Variants in EVX1 observed in about 807,000 individuals in gnomAD.
EVX1 encodes homeobox even-skipped homolog protein 1.
In EVX1, 19 loss-of-function variants were observed where a neutral mutation model predicts 28.6. The ratio of observed to expected loss-of-function variants is 0.67; its 90% confidence interval spans 0.46 to 0.98. The LOEUF is 0.98. EVX1 is among the 50% of genes least tolerant of loss of function. EVX1 has a pLI of 0.00. For missense variants in EVX1, 660 were observed against 583.0 expected (o/e 1.13, Z -1.36); for synonymous variants, 324 against 278.2 (o/e 1.16, Z -1.64).
Position 27,243,160 on chromosome 7 carries a change from C to T in EVX1, c.130C>T (p.Pro44Ser), listed in dbSNP as rs767978677. ...PLPEPPEKMV[P>S]RGCLSPRAVP... The stretch of plus-strand genomic sequence containing the variant: ...GCCGGAGCCGCCCGAGAAAATGGTG[C>T]CCCGTGGTTGCCTGAGCCCTCGGGC... Residue 44 changes from proline to serine, a missense_variant, in exon 1 of 3, where the codon CCC becomes TCC. Pro to Ser is a moderately conservative substitution (Grantham distance 74, BLOSUM62 -1). This residue lies in a region of EVX1 where 308 missense variants were observed against 256.6 expected (regional missense o/e 1.20). Coordinates refer to ENST00000496902, the MANE Select transcript of EVX1 (RefSeq NM_001989.5). 1.9e-6 allele frequency: 3 copies of T among 1,592,282 alleles called. No homozygotes were observed. The South Asian group carries it at 3.4e-5, about 18-fold the overall frequency.
chr7:27,246,440 G>C lies in EVX1; in HGVS notation c.*15G>C. ...TCACTAGATAAGGGGCCGCCGGCTG[G>C]CTGCCGGCTCCATGACGCCCGTGGG... On this transcript the variant is annotated 3_prime_UTR_variant, in exon 3 of 3. Transcript: ENST00000496902. 1.3e-6 allele frequency: 2 copies of C among 1,585,332 alleles called. No individual in the cohort carries two copies. The highest frequency in any genetic ancestry group is 1.4e-5 in the African/African-American group (1 of 73,332).
chr7:27,244,858 C>T (rs987754264), intron 1 of EVX1, among the ~76,000 whole-genome samples, 190 bp from the exon 2 acceptor site: 7 of 152,202 alleles, frequency 4.6e-5, no homozygotes, highest in Non-Finnish European at 7.4e-5. Context: ...CCTACCCAAT[C>T]AAGGGCAGGC....
At position 27,247,355 on chromosome 7, in the gene EVX1, A is replaced by G. The variant is rs1783221830; in HGVS notation, c.*930A>G. ...GAGCTGTTAACAAGGCGCCCAGGGA[A>G]GAGCTTAGGGAGTGGGAACTTCACC... On this transcript the variant is annotated 3_prime_UTR_variant, in exon 3 of 3. Coordinates refer to ENST00000496902, the MANE Select transcript of EVX1 (RefSeq NM_001989.5). The G allele has an allele frequency of 1.3e-5, 2 of 152,200 alleles. No individual in the cohort carries two copies. Among genetic ancestry groups the G allele is most frequent in the South Asian group, 2.1e-4 (1 of 4,816 alleles). The allele number at this position is 152,200 out of a possible 1,614,324, so 9.4% of individuals were successfully genotyped here.
Position 27,243,421 on chromosome 7 carries a change from T to C in EVX1, c.391T>C (p.Cys131Arg), listed in dbSNP as rs576986682. ...EEIEVSCTPD[C>R]ATGNAEYQHS... ...AATCGAGGTGAGCTGCACCCCGGAC[T>C]GCGCCACCGGGAACGCCGAGTACCA... The change falls in exon 1 of 3, where the codon TGC (cysteine) becomes CGC (arginine). Residue 131 changes from cysteine (C) to arginine (R), a missense_variant. This residue lies in a region of EVX1 where 308 missense variants were observed against 256.6 expected (regional missense o/e 1.20). Transcript: ENST00000496902. 80 of 1,608,508 alleles carry C rather than the reference T, an allele frequency of 5.0e-5. No individual in the cohort carries two copies. The highest frequency in any genetic ancestry group is 6.5e-5 in the Non-Finnish European group (77 of 1,178,356).
chr7:27,243,053 T>G lies in EVX1; in HGVS notation c.23T>G (p.Val8Gly). Residue 8 changes from valine (V) to glycine (G), a missense_variant, in exon 1 of 3, where the codon GTT becomes GGT. Physicochemically the swap from Val to Gly is moderately radical, Grantham distance 109 (BLOSUM62 -3). Around this residue, in one of 3 missense-constraint regions of EVX1, gnomAD observed 308 missense variants for 256.6 expected, o/e 1.20. Transcript: ENST00000496902. Reference protein sequence around the residue: MESRKDMVVFLDGGQLGT... With the variant: MESRKDMGVFLDGGQLGT... The stretch of plus-strand genomic sequence containing the variant: ...GGGATGGAGAGCCGAAAGGACATGG[T>G]TGTGTTTCTGGATGGGGGTCAGCTT... 1 of 1,606,186 alleles carries G rather than the reference T, an allele frequency of 6.2e-7. No homozygotes were observed. Among genetic ancestry groups the G allele is most frequent in the East Asian group, 2.3e-5 (1 of 44,198 alleles).
intron 1 of EVX1, 44 bp downstream of exon 1, chr7:27,243,501 C>G (rs371249285): frequency 6.5e-7 from 1 of 1,533,106 alleles, no homozygotes. Context: ...CCACTGCGCC[C>G]ACCCTTCACT....
intron 2 of EVX1, among the ~76,000 whole-genome samples, 179 bp downstream of exon 2, chr7:27,245,483 T>G (rs903973250): frequency 3.9e-5 from 6 of 152,248 alleles, no homozygotes; most frequent in Admixed American, 3.9e-4. Flanking sequence ...TGGCTGACTC[T>G]GTCCCTTTCC....
chr7:27,246,380 C>A lies in EVX1; in HGVS notation c.1179C>A (p.Ser393=). Residue 393 remains serine, a synonymous_variant, in exon 3 of 3, where the codon TCC becomes TCA. Transcript: ENST00000496902. ...TFAPSVLSKA[S]SVALDQREEV... is the part of the protein sequence containing the mutation. ...CGCCCTCGGTGCTCAGCAAGGCCTC[C>A]TCCGTCGCGCTGGACCAGAGGGAGG... 6.2e-7 allele frequency: 1 copy of A among 1,602,934 alleles called. No individual in the cohort carries two copies.
At position 27,246,506 on chromosome 7, in the gene EVX1, G is replaced by C; in HGVS notation, c.*81G>C. On this transcript the variant is annotated 3_prime_UTR_variant, in exon 3 of 3. Coordinates refer to ENST00000496902, the MANE Select transcript of EVX1 (RefSeq NM_001989.5). ...CGGGACTCAGCCAGCCTCGCTCCTC[G>C]CTCCTCGCTCCTCGCCCCTAGGACG... 2 of 1,340,464 alleles carry C rather than the reference G, an allele frequency of 1.5e-6. No homozygotes were observed. Among genetic ancestry groups the C allele is most frequent in the Non-Finnish European group, 2.0e-6 (2 of 982,860 alleles). The allele number at this position is 1,340,464 out of a possible 1,614,324, so 83.0% of individuals were successfully genotyped here.
chr7:27,242,872 C>A lies in EVX1; in HGVS notation c.-159C>A. 1.3e-6 allele frequency: 1 copy of A among 752,512 alleles called. No homozygotes were observed. Among genetic ancestry groups the A allele is most frequent in the Non-Finnish European group, 2.0e-6 (1 of 488,956 alleles). 46.6% of individuals were successfully genotyped at this position (752,512 alleles called of 1,614,324 possible). On this transcript the variant is annotated 5_prime_UTR_variant, in exon 1 of 3. Coordinates refer to ENST00000496902, the MANE Select transcript of EVX1 (RefSeq NM_001989.5). Reference sequence around the variant, plus strand: ...TAGCTCCCACCGCCACCGCCGCGGTCGCGGTCCAGACCGCGCTCCAGCAGC... The same window carrying A: ...TAGCTCCCACCGCCACCGCCGCGGTAGCGGTCCAGACCGCGCTCCAGCAGC...
chr7:27,244,993 A>C, intron 1 of EVX1, 55 bp from the exon 2 acceptor site: 1 of 1,571,672 alleles, frequency 6.4e-7, no homozygotes, highest in South Asian at 1.1e-5. Flanking sequence ...CCCCACTTCA[A>C]TGGCGTTTGT....
Position 27,242,905 on chromosome 7 carries a change from C to A in EVX1, c.-126C>A. ...AGACCGCGCTCCAGCAGCTCCGCGCCCTCCCAGGCACCCGGCCTTTCTTTC... is the reference window on the plus strand; with the variant it reads ...AGACCGCGCTCCAGCAGCTCCGCGCACTCCCAGGCACCCGGCCTTTCTTTC... On this transcript the variant is annotated 5_prime_UTR_variant, in exon 1 of 3. Coordinates refer to ENST00000496902, the MANE Select transcript of EVX1 (RefSeq NM_001989.5). The A allele has an allele frequency of 9.0e-7, 1 of 1,111,926 alleles. No homozygotes were observed. The highest frequency in any genetic ancestry group is 1.2e-6 in the Non-Finnish European group (1 of 814,262). The allele number at this position is 1,111,926 out of a possible 1,614,324, so 68.9% of individuals were successfully genotyped here.
At position 27,245,992 on chromosome 7, in the gene EVX1, CG is replaced by C; in HGVS notation, c.793del (p.Ala265ProfsTer201). The C allele has an allele frequency of 1.2e-6, 2 of 1,601,978 alleles. No homozygotes were observed. The highest frequency in any genetic ancestry group is 8.5e-7 in the Non-Finnish European group (1 of 1,179,648). On this transcript the variant is annotated frameshift_variant, in exon 3 of 3. Transcript: ENST00000496902. LOFTEE classifies it high-confidence loss of function. ...TACACTTACATGATGAGCCATGCGG[CG>C]GCCGCGGGCGGCCTGCCCTACCCCT... is the stretch of plus-strand genomic sequence containing the variant. ...AFYTYMMSHAAAAGGLPYPFP... is the reference protein window; with the variant it reads ...AFYTYMMSHAXAAGGLPYPFP...
chr7:27,244,676 A>G (rs1004982588), intron 1 of EVX1, among the ~76,000 whole-genome samples: 5 of 152,220 alleles, frequency 3.3e-5, no homozygotes, highest in African/African-American at 1.2e-4. Context: ...CCCAGAGTTT[A>G]CAACCCTCTA....
In EVX1 at chr7:27,247,075, C is replaced by T. The variant is rs971530564; in HGVS notation, c.*650C>T. 3 of 152,382 alleles carry T rather than the reference C, an allele frequency of 2.0e-5. No individual in the cohort carries two copies. The highest frequency in any genetic ancestry group is 1.3e-4 in the Admixed American group (2 of 15,286). The allele number at this position is 152,382 out of a possible 1,614,324, so 9.4% of individuals were successfully genotyped here. The stretch of plus-strand genomic sequence containing the variant: ...ATCTTCTGGGTCTGGCGTCTGCCAG[C>T]ACCTGATCTCTTTCCTCATTCCCAG... On this transcript the variant is annotated 3_prime_UTR_variant, in exon 3 of 3. Coordinates refer to ENST00000496902, the MANE Select transcript of EVX1 (RefSeq NM_001989.5).
At position 27,243,422 on chromosome 7, in the gene EVX1, G is replaced by A. The variant is rs771295828; in HGVS notation, c.392G>A (p.Cys131Tyr). Residue 131 changes from cysteine (C) to tyrosine (Y), a missense_variant, in exon 1 of 3, where the codon TGC (cysteine) becomes TAC (tyrosine). Physicochemically the swap from Cys to Tyr is radical, Grantham distance 194. This residue lies in a region of EVX1 where 308 missense variants were observed against 256.6 expected (regional missense o/e 1.20). Coordinates refer to ENST00000496902, the MANE Select transcript of EVX1 (RefSeq NM_001989.5). ...EEIEVSCTPDCATGNAEYQHS... is the reference protein window; with the variant it reads ...EEIEVSCTPDYATGNAEYQHS... ...ATCGAGGTGAGCTGCACCCCGGACTGCGCCACCGGGAACGCCGAGTACCAG... is the reference window on the plus strand; with the variant it reads ...ATCGAGGTGAGCTGCACCCCGGACTACGCCACCGGGAACGCCGAGTACCAG... 5.6e-6 allele frequency: 9 copies of A among 1,608,426 alleles called. No individual in the cohort carries two copies. Among genetic ancestry groups the A allele is most frequent in the Middle Eastern group, 1.7e-4 (1 of 6,046 alleles).
In EVX1 at chr7:27,242,978, C is replaced by G; in HGVS notation, c.-53C>G. The G allele has an allele frequency of 1.4e-6, 2 of 1,442,208 alleles. No homozygotes were observed. The highest frequency in any genetic ancestry group is 1.8e-6 in the Non-Finnish European group (2 of 1,093,980). The allele number at this position is 1,442,208 out of a possible 1,614,324, so 89.3% of individuals were successfully genotyped here. A position where few individuals can be genotyped will look rare whatever the true frequency, so the allele number is the denominator to read the frequency against. ...TCCGGCCGCTGGAGACCCAGGGAGC[C>G]GGGGTTAGGAACTCACTTGGGGCTT... On this transcript the variant is annotated 5_prime_UTR_variant, in exon 1 of 3. Transcript: ENST00000496902.
In EVX1 at chr7:27,246,054, G is replaced by C; in HGVS notation, c.853G>C (p.Val285Leu). The C allele has an allele frequency of 6.3e-7, 1 of 1,588,084 alleles. No individual in the cohort carries two copies. Among genetic ancestry groups the C allele is most frequent in the Non-Finnish European group, 8.5e-7 (1 of 1,175,464 alleles). Residue 285 changes from valine to leucine, a missense_variant, in exon 3 of 3, where the codon GTG (valine) becomes CTG (leucine). Physicochemically the swap from Val to Leu is conservative, Grantham distance 32. This residue lies in a region of EVX1 where 299 missense variants were observed against 241.3 expected (regional missense o/e 1.24). Transcript: ENST00000496902. Reference sequence around the variant, plus strand: ...CCTGCCCCTGCCCTACTACTCGCCGGTGGGCCTGGGCGCCGCATCCGCCGC... The same window carrying C: ...CCTGCCCCTGCCCTACTACTCGCCGCTGGGCCTGGGCGCCGCATCCGCCGC... ...SHLPLPYYSP[V>L]GLGAASAASA...
chr7:27,244,372 C>CCGGGGGGGG (rs1783112468), intron 1 of EVX1: 1 of 318,318 alleles, frequency 3.1e-6, no homozygotes, highest in African/African-American at 2.7e-5. Context: ...AGCCTGGGGG[C>CCGGGGGGGG]GGGGGGGAGA....
Sources: gnomAD v4.1 joint callset for allele counts (sites outside exome capture counted in the v4.1 genomes callset) on GRCh38, gnomAD v4.1.1 for gene constraint, gnomAD v4.1.1 regional missense constraint, MANE v1.5 for transcripts, NCBI Gene and HGNC (gene_info 2026-07-23, HGNC 2026-07-21) for gene names.